ANKRD55: variants seen among roughly 807,000 people sequenced by gnomAD.
ANKRD55 encodes the protein ankyrin repeat domain 55, also known as ankyrin repeat domain-containing protein 55.
ANKRD55 carries 41 observed loss-of-function variants against 60.6 expected under a neutral mutation model. The observed-to-expected ratio is 0.68, with a 90% CI of 0.53 to 0.88. ANKRD55 has a LOEUF of 0.88. ANKRD55 is among the 40% of genes least tolerant of loss of function. The pLI is 0.00. For missense variants in ANKRD55, 732 were observed against 767.6 expected, an observed-to-expected ratio of 0.95 and a Z score of 0.55; for synonymous variants, 264 against 290.3, an observed-to-expected ratio of 0.91 and a Z score of 0.92.
intron 2 of ANKRD55, among the ~76,000 whole-genome samples, chr5:56,232,651 A>C (rs1436149797): frequency 1.3e-5 from 2 of 152,150 alleles, no homozygotes; most frequent in Non-Finnish European, 2.9e-5. Flanking sequence ...TGCTTATCAA[A>C]CTAGAAGTGA....
chr5:56,110,993 T>G, intron 10 of ANKRD55, 125 bp downstream of exon 10: 2 of 1,167,410 alleles, frequency 1.7e-6, no homozygotes, highest in Non-Finnish European at 2.4e-6. Context: ...AAGGTGGCTC[T>G]AATCACTCAT....
chr5:56,137,981 G>A (rs1490819001), intron 7 of ANKRD55, among the ~76,000 whole-genome samples: 1 of 152,096 alleles, frequency 6.6e-6, no homozygotes, highest in Non-Finnish European at 1.5e-5. Flanking sequence ...AGATACCACA[G>A]TGCATTGATT....
intron 8 of ANKRD55, among the ~76,000 whole-genome samples, chr5:56,120,475 G>C (rs934581784): frequency 3.3e-5 from 5 of 152,216 alleles, no homozygotes; most frequent in Non-Finnish European, 4.4e-5. Context: ...GTCAGGAAGG[G>C]AAAAGTATTT....
chr5:56,144,224 T>C (rs987960479), intron 6 of ANKRD55, among the ~76,000 whole-genome samples: 1 of 152,212 alleles, frequency 6.6e-6, no homozygotes, highest in Non-Finnish European at 1.5e-5. Context: ...CAAAAACATG[T>C]CAAACAATCT....
intron 2 of ANKRD55, among the ~76,000 whole-genome samples, chr5:56,217,972 AG>A (rs1307649485): frequency 1.3e-5 from 2 of 152,244 alleles, no homozygotes; most frequent in Non-Finnish European, 2.9e-5. Flanking sequence ...GTTTTGAAGA[AG>A]TCTTAGAGGA....
intron 6 of ANKRD55, among the ~76,000 whole-genome samples, chr5:56,156,271 C>A (rs144434529): frequency 3.3e-5 from 5 of 152,276 alleles, no homozygotes; most frequent in African/African-American, 1.2e-4. Context: ...GCTTTCTGGG[C>A]TTAAAACCCA....
intron 10 of ANKRD55, among the ~76,000 whole-genome samples, chr5:56,109,412 C>T (rs1340144563): frequency 6.6e-6 from 1 of 152,046 alleles, no homozygotes; most frequent in Non-Finnish European, 1.5e-5. Flanking sequence ...TATAAAATTT[C>T]ATAATTTAAA....
chr5:56,149,840 C>T lies in ANKRD55; in HGVS notation c.484-5911G>A, dbSNP rs901291190. 2.0e-5 allele frequency among the ~76,000 whole-genome samples: 3 copies of T among 150,170 alleles called. No individual in the cohort carries two copies. The South Asian group carries it at 6.3e-4, about 31-fold the overall frequency. On this transcript the variant is annotated intron_variant, in intron 6 of 11. Transcript: ENST00000341048. Reference sequence around the variant, plus strand: ...ATAATTACATCTTTATTTTCACTAACTTCTTTTTTTTTTTTTTTTGAGACG... The same window carrying T: ...ATAATTACATCTTTATTTTCACTAATTTCTTTTTTTTTTTTTTTTGAGACG...
intron 2 of ANKRD55, among the ~76,000 whole-genome samples, chr5:56,219,202 G>A (rs564927311): frequency 6.3e-4 from 95 of 150,682 alleles, no homozygotes; most frequent in African/African-American, 2.1e-3. Flanking sequence ...AAACCCCGGA[G>A]GTGGAGGTTG....
intron 10 of ANKRD55, among the ~76,000 whole-genome samples, chr5:56,109,213 T>C (rs1756593054): frequency 6.6e-6 from 1 of 152,200 alleles, no homozygotes; most frequent in Non-Finnish European, 1.5e-5. Context: ...AAGATGTTTA[T>C]AAAGCCTGTC....
chr5:56,104,987 T>C (rs971030858), intron 10 of ANKRD55, among the ~76,000 whole-genome samples: 1 of 152,196 alleles, frequency 6.6e-6, no homozygotes, highest in Admixed American at 6.5e-5. Context: ...CTAACCTCTC[T>C]GTCTCAATTT....
At chr5:56,107,144 CAT>C (rs1756506501) in intron 10 of ANKRD55, among the ~76,000 whole-genome samples, 1 of 151,560 alleles carries the variant, frequency 6.6e-6, no homozygotes. Context: ...TGTATCTAAA[CAT>C]GAGAAGAAAG....
chr5:56,201,999 A>T (rs1201503396), intron 2 of ANKRD55, among the ~76,000 whole-genome samples: 1 of 152,342 alleles, frequency 6.6e-6, no homozygotes, highest in African/African-American at 2.4e-5. Flanking sequence ...TTGCAGGGAC[A>T]TGGATGGAGT....
chr5:56,126,096 T>C (rs1458459428), intron 8 of ANKRD55, among the ~76,000 whole-genome samples: 1 of 151,924 alleles, frequency 6.6e-6, no homozygotes, highest in African/African-American at 2.4e-5. Context: ...GTTGCACCAC[T>C]GCACTCCAGC....
intron 7 of ANKRD55, among the ~76,000 whole-genome samples, chr5:56,131,691 A>C (rs1757418008): frequency 6.7e-6 from 1 of 148,360 alleles, no homozygotes; most frequent in African/African-American, 2.5e-5. Context: ...AGCTACTCGG[A>C]AGGCTGAGAC....
At chr5:56,101,402 G>A (rs1460790053) in intron 11 of ANKRD55, among the ~76,000 whole-genome samples, 1 of 145,266 alleles carries the variant, frequency 6.9e-6, no homozygotes, top group Non-Finnish European at 1.6e-5. Flanking sequence ...GGGGCTGTGT[G>A]TGTGTGTGTT....
intron 2 of ANKRD55, among the ~76,000 whole-genome samples, chr5:56,214,480 C>T (rs1759755710): frequency 6.6e-6 from 1 of 152,196 alleles, no homozygotes; most frequent in South Asian, 2.1e-4. Flanking sequence ...TCCTATAACC[C>T]ACACCAACAG....
intron 2 of ANKRD55, among the ~76,000 whole-genome samples, chr5:56,196,659 T>G (rs1020429211): frequency 2.6e-5 from 4 of 152,212 alleles, no homozygotes; most frequent in Non-Finnish European, 4.4e-5. Flanking sequence ...CCATTTTTAT[T>G]TATATGATAT....
At chr5:56,148,130 A>G (rs1757944887) in intron 6 of ANKRD55, among the ~76,000 whole-genome samples, 2 of 152,266 alleles carry the variant, frequency 1.3e-5, no homozygotes, top group East Asian at 3.8e-4. Flanking sequence ...AGAATTAATT[A>G]GTGAATTGCA....
Sources: allele counts gnomAD v4.1 joint callset (sites outside exome capture counted in the v4.1 genomes callset), GRCh38; gene constraint gnomAD v4.1.1; transcripts MANE v1.5; gene names NCBI Gene and HGNC (gene_info 2026-07-23, HGNC 2026-07-21).